FOXJ3: variants seen among roughly 807,000 people sequenced by gnomAD.
The protein encoded by FOXJ3 is forkhead box protein J3.
A neutral mutation model predicts 76.1 loss-of-function variants in FOXJ3; 22 were observed. The observed-to-expected ratio is 0.29, with a 90% CI of 0.21 to 0.41. The LOEUF is 0.41. Among genes scored for constraint, FOXJ3 ranks in the 10% least tolerant of loss-of-function variants. The pLI is 1.00. For synonymous variants in FOXJ3, 269 were observed against 261.2 expected (o/e 1.03, Z -0.29); for missense variants, 613 against 762.1 (o/e 0.80, Z 2.30).
At chr1:42,299,254 C>T (rs545791580) in intron 2 of FOXJ3, among the ~76,000 whole-genome samples, 2 of 152,196 alleles carry the variant, frequency 1.3e-5, no homozygotes, top group African/African-American at 4.8e-5. Flanking sequence ...AATCTGTTTG[C>T]TTTGGCCTAG....
intron 5 of FOXJ3, among the ~76,000 whole-genome samples, chr1:42,221,557 G>C (rs879573661): frequency 3.3e-5 from 5 of 151,998 alleles, no homozygotes; most frequent in Non-Finnish European, 7.4e-5. Flanking sequence ...CTGGGCTCAC[G>C]CAATCCTCTG....
chr1:42,215,884 G>T (rs1031093656), intron 5 of FOXJ3, among the ~76,000 whole-genome samples: 1 of 152,136 alleles, frequency 6.6e-6, no homozygotes, highest in Non-Finnish European at 1.5e-5. Context: ...CAGGCTGGGC[G>T]TGGTGGCTCA....
chr1:42,264,210 T>C (rs537553214), intron 4 of FOXJ3, among the ~76,000 whole-genome samples: 2 of 152,184 alleles, frequency 1.3e-5, no homozygotes, highest in African/African-American at 4.8e-5. Flanking sequence ...CAGAAGACCA[T>C]ATGAATAGCA....
chr1:42,301,235 A>T (rs1192137544), intron 2 of FOXJ3, among the ~76,000 whole-genome samples: 2 of 151,768 alleles, frequency 1.3e-5, no homozygotes, highest in Non-Finnish European at 2.9e-5. Flanking sequence ...TCACTCTGTC[A>T]CCCAGTCTGG....
In FOXJ3 at chr1:42,280,438, T is replaced by TAAAAAAAA. The variant is rs71065112; in HGVS notation, c.45-1774_45-1767dup. 39 of 77,578 alleles carry TAAAAAAAA rather than the reference T, an allele frequency of 5.0e-4. 1 individual carries two copies. The highest frequency in any genetic ancestry group is 5.9e-4 in the Non-Finnish European group (31 of 52,390). 4.8% of individuals were successfully genotyped at this position (77,578 alleles called of 1,614,324 possible). ...ATCCATATAGCATCTTCAGAGATCT[T>TAAAAAAAA]AAAAAAAAAAAAAAAAAAAAAAAAA... is the stretch of plus-strand genomic sequence containing the variant. On this transcript the variant is annotated intron_variant, in intron 2 of 12. Transcript: ENST00000361346.
At chr1:42,291,565 C>T (rs1300469809) in intron 2 of FOXJ3, among the ~76,000 whole-genome samples, 1 of 152,122 alleles carries the variant, frequency 6.6e-6, no homozygotes, top group Non-Finnish European at 1.5e-5. Flanking sequence ...ATTTGGGAGG[C>T]CAAGGCAGGA....
At chr1:42,251,262 T>C (rs995972018) in intron 4 of FOXJ3, among the ~76,000 whole-genome samples, 7 of 152,124 alleles carry the variant, frequency 4.6e-5, no homozygotes, top group African/African-American at 1.7e-4. Flanking sequence ...TGACTTTTCA[T>C]AGAAAATAAT....
intron 4 of FOXJ3, among the ~76,000 whole-genome samples, chr1:42,260,421 T>A (rs1274062797): frequency 6.6e-6 from 1 of 152,158 alleles, no homozygotes; most frequent in Admixed American, 6.5e-5. Context: ...TCATAATTTG[T>A]GAGACGTGGT....
intron 1 of FOXJ3, among the ~76,000 whole-genome samples, chr1:42,327,704 G>C (rs1655919275): frequency 6.6e-6 from 1 of 151,860 alleles, no homozygotes; most frequent in African/African-American, 2.4e-5. Flanking sequence ...AAAAAAAAAA[G>C]ATGATTCCAA....
At chr1:42,212,962 A>C (rs1289760128) in intron 5 of FOXJ3, among the ~76,000 whole-genome samples, 2 of 147,750 alleles carry the variant, frequency 1.4e-5, no homozygotes, top group Non-Finnish European at 3.0e-5. Flanking sequence ...TCTAGCAAAA[A>C]AAAAAAAAAC....
Position 42,195,072 on chromosome 1 carries a change from T to G in FOXJ3, c.760-8A>C. ...TTCTGGATGGCTTGTCACCTAACAT[T>G]AAAAGAAAACACAACTAATTCAGCC... On this transcript the variant is annotated splice_region_variant and splice_polypyrimidine_tract_variant and intron_variant, in intron 7 of 12. Transcript: ENST00000361346. 6.3e-7 allele frequency: 1 copy of G among 1,586,656 alleles called. No homozygotes were observed. The highest frequency in any genetic ancestry group is 1.2e-5 in the South Asian group (1 of 85,748).
chr1:42,245,866 G>A (rs1201550054), intron 4 of FOXJ3, among the ~76,000 whole-genome samples: 1 of 152,094 alleles, frequency 6.6e-6, no homozygotes, highest in Non-Finnish European at 1.5e-5. Context: ...AAAAGAGGAA[G>A]GCAAATTGTC....
At chr1:42,191,224 T>A in intron 9 of FOXJ3, 79 bp downstream of exon 9, 1 of 1,352,132 alleles carries the variant, frequency 7.4e-7, no homozygotes, top group Non-Finnish European at 1.0e-6. Context: ...TGGTAGTAAA[T>A]ACTACATGAG....
intron 5 of FOXJ3, among the ~76,000 whole-genome samples, chr1:42,215,087 C>A (rs1223978570): frequency 6.6e-6 from 1 of 152,108 alleles, no homozygotes; most frequent in Non-Finnish European, 1.5e-5. Context: ...AGGACACAAT[C>A]CAAAATTACC....
At chr1:42,293,465 C>T (rs1653574956) in intron 2 of FOXJ3, among the ~76,000 whole-genome samples, 1 of 152,080 alleles carries the variant, frequency 6.6e-6, no homozygotes, top group Non-Finnish European at 1.5e-5. Context: ...CAACAAGATA[C>T]TATTCCAAAC....
intron 5 of FOXJ3, among the ~76,000 whole-genome samples, chr1:42,226,267 C>T (rs1336720920): frequency 1.3e-5 from 2 of 151,584 alleles, no homozygotes; most frequent in African/African-American, 2.4e-5. Context: ...AACTGATGTT[C>T]GTTCCTTCTC....
chr1:42,298,705 G>A (rs928278877), intron 2 of FOXJ3, among the ~76,000 whole-genome samples: 6 of 151,926 alleles, frequency 3.9e-5, no homozygotes, highest in Admixed American at 2.6e-4. Flanking sequence ...TTTTTGTGTG[G>A]TTTGTTATTT....
chr1:42,282,619 G>A (rs980235378), intron 2 of FOXJ3, among the ~76,000 whole-genome samples: 9 of 151,968 alleles, frequency 5.9e-5, no homozygotes, highest in Non-Finnish European at 8.8e-5. Flanking sequence ...ATCCAATACC[G>A]TGCCAGGTAC....
chr1:42,177,897 A>C lies in FOXJ3; in HGVS notation c.*1813T>G, dbSNP rs1445821936. The C allele has an allele frequency of 6.6e-6, 1 of 152,656 alleles. No homozygotes were observed. Among genetic ancestry groups the C allele is most frequent in the Non-Finnish European group, 1.5e-5 (1 of 68,054 alleles). 9.5% of individuals were successfully genotyped at this position (152,656 alleles called of 1,614,324 possible). ...TTAAAGTGATTTAGCATGGCTGATA[A>C]GACCAGAGATGCTAAAAAGCAACTA... On this transcript the variant is annotated 3_prime_UTR_variant, in exon 13 of 13. Transcript: ENST00000361346.
Sources: allele counts gnomAD v4.1 joint callset (sites outside exome capture counted in the v4.1 genomes callset), GRCh38; gene constraint gnomAD v4.1.1; transcripts MANE v1.5; gene names NCBI Gene and HGNC (gene_info 2026-07-23, HGNC 2026-07-21).